CCDC163: variants seen among roughly 807,000 people sequenced by gnomAD.
CCDC163 encodes the protein CCDC163 homolog.
CCDC163 carries 13 observed loss-of-function variants against 8.2 expected under a neutral mutation model. The ratio of observed to expected loss-of-function variants is 1.59; its 90% confidence interval spans 1.04 to 2.54. The LOEUF (loss-of-function observed/expected upper bound fraction) is 2.54, where lower values mean the gene tolerates loss of function less well. Ranked by LOEUF, CCDC163 falls within the 30% of genes most tolerant of loss-of-function variation. CCDC163 has a pLI of 0.00. For synonymous variants in CCDC163, 41 were observed against 30.9 expected (o/e 1.33, Z -1.08); for missense variants, 117 against 78.6 (o/e 1.49, Z -1.85).
rs932478117 is a variant in CCDC163, at chr1:45,493,943, C to A, written c.*1116G>T. 1 of 151,646 alleles carries A rather than the reference C, an allele frequency of 6.6e-6. No individual in the cohort carries two copies. The highest frequency in any genetic ancestry group is 6.6e-5 in the Admixed American group (1 of 15,228). 9.4% of individuals were successfully genotyped at this position (151,646 alleles called of 1,614,324 possible). On this transcript the variant is annotated 3_prime_UTR_variant, in exon 5 of 5. Coordinates refer to ENST00000629482, the MANE Select transcript of CCDC163 (RefSeq NM_001102601.3). ...CTCCCACTAAGGATAAAAATTAAAT[C>A]ATAACATTTTTATTTCAGTTAATAA...
intron 2 of CCDC163, 43 bp from the exon 3 acceptor site, chr1:45,497,426 T>G: frequency 1.3e-6 from 1 of 767,086 alleles, no homozygotes; most frequent in Non-Finnish European, 2.4e-6. Context: ...GCAAGTAGAG[T>G]ATCTAGGGTC....
intron 2 of CCDC163, among the ~76,000 whole-genome samples, chr1:45,498,244 C>T (rs370801624): frequency 1.3e-5 from 2 of 151,920 alleles, no homozygotes; most frequent in Admixed American, 1.3e-4. Flanking sequence ...CAAACACTGC[C>T]GAAGGCCGCA....
chr1:45,495,301 G>A (rs746269055), intron 4 of CCDC163, 135 bp from the exon 5 acceptor site: 4 of 708,452 alleles, frequency 5.6e-6, no homozygotes, highest in Non-Finnish European at 1.0e-5. Flanking sequence ...AGGTCAGTGA[G>A]TTCACAGAAA....
intron 3 of CCDC163, 86 bp downstream of exon 3, chr1:45,497,203 GAATAAAAATA>G (rs903129196): frequency 8.9e-5 from 55 of 616,702 alleles, no homozygotes; most frequent in South Asian, 3.0e-4. Flanking sequence ...ATCTCAAAAA[GAATAAAAATA>G]AATAAAAATA....
chr1:45,499,695 G>C lies in CCDC163; in HGVS notation c.-86C>G, dbSNP rs1018748582. On this transcript the variant is annotated 5_prime_UTR_variant, in exon 1 of 5. Transcript: ENST00000629482. ...GCGGGGGATACCCAAGGTATCCCCA[G>C]GAAAGGCCACCACGTTAGATGGAAA... 7.2e-6 allele frequency: 5 copies of C among 696,576 alleles called. No individual in the cohort carries two copies. Among genetic ancestry groups the C allele is most frequent in the Admixed American group, 2.2e-5 (1 of 45,354 alleles). The allele number at this position is 696,576 out of a possible 1,614,324, so 43.1% of individuals were successfully genotyped here.
chr1:45,495,493 T>C (rs1002823547), intron 4 of CCDC163: 4 of 702,648 alleles, frequency 5.7e-6, no homozygotes, highest in African/African-American at 5.2e-5. Flanking sequence ...GAAACAGACA[T>C]GGTGAAGGTA....
intron 2 of CCDC163, among the ~76,000 whole-genome samples, chr1:45,498,121 C>CA (rs1354220766): frequency 8.6e-5 from 13 of 151,764 alleles, no homozygotes; most frequent in Middle Eastern, 3.4e-3. Flanking sequence ...TGTGTCCACT[C>CA]AGAGTTAAAT....
intron 2 of CCDC163, among the ~76,000 whole-genome samples, chr1:45,497,737 G>A (rs188605625): frequency 1.2e-3 from 20 of 17,330 alleles, no homozygotes; most frequent in Non-Finnish European, 1.7e-3. Flanking sequence ...CAGGCCAGCC[G>A]CCCCGTCTGG....
Position 45,499,540 on chromosome 1 carries a change from G to A in CCDC163, c.70C>T (p.Arg24Trp), listed in dbSNP as rs201193008. 9.7e-4 allele frequency: 752 copies of A among 778,984 alleles called. 7 individuals carry two copies. The highest frequency in any genetic ancestry group is 2.3e-4 in the Middle Eastern group (1 of 4,442). The allele number at this position is 778,984 out of a possible 1,614,324, so 48.3% of individuals were successfully genotyped here. ...LLNATDGNVV[R>W]NKQWLYPLGV... ...CTCCACCAACCCCTCACCTTATTCC[G>A]GACCACATTTCCATCAGTAGCGTTG... Residue 24 changes from arginine to tryptophan, a missense_variant, in exon 1 of 5, where the codon CGG becomes TGG. Arg to Trp is a moderately radical substitution (Grantham distance 101). Coordinates refer to ENST00000629482, the MANE Select transcript of CCDC163 (RefSeq NM_001102601.3).
In CCDC163 at chr1:45,499,858, G is replaced by C; in HGVS notation, c.-249C>G. ...ATACCGTGATGATACGCAGATATCAGGTGGGGATTGAAGGTGCCAGAACCT... is the reference window on the plus strand; with the variant it reads ...ATACCGTGATGATACGCAGATATCACGTGGGGATTGAAGGTGCCAGAACCT... On this transcript the variant is annotated 5_prime_UTR_variant, in exon 1 of 5. Coordinates refer to ENST00000629482, the MANE Select transcript of CCDC163 (RefSeq NM_001102601.3). 1 of 548,370 alleles carries C rather than the reference G, an allele frequency of 1.8e-6. No homozygotes were observed. The highest frequency in any genetic ancestry group is 2.0e-5 in the South Asian group (1 of 49,618). 34.0% of individuals were successfully genotyped at this position (548,370 alleles called of 1,614,324 possible). A position where few individuals can be genotyped will look rare whatever the true frequency, so the allele number is the denominator to read the frequency against.
In CCDC163 at chr1:45,495,985, A is replaced by G. The variant is rs371912123; in HGVS notation, c.330+571T>C. 9.9e-5 allele frequency among the ~76,000 whole-genome samples: 15 copies of G among 152,192 alleles called. No individual in the cohort carries two copies. The East Asian group carries it at 2.5e-3, about 25-fold the overall frequency. On this transcript the variant is annotated intron_variant, in intron 4 of 4. Coordinates refer to ENST00000629482, the MANE Select transcript of CCDC163 (RefSeq NM_001102601.3). ...TCTCTCCTCCCTCTGTAACATCCAAACATACAAAGGTACCTCACTGACTCT... is the reference window on the plus strand; with the variant it reads ...TCTCTCCTCCCTCTGTAACATCCAAGCATACAAAGGTACCTCACTGACTCT...
chr1:45,499,082 T>G (rs977999174), intron 2 of CCDC163, among the ~76,000 whole-genome samples: 1 of 152,196 alleles, frequency 6.6e-6, no homozygotes, highest in African/African-American at 2.4e-5. Context: ...CAGCTCAGCC[T>G]TTGTGGAACT....
chr1:45,496,389 G>C, intron 4 of CCDC163, 167 bp downstream of exon 4: 1 of 697,576 alleles, frequency 1.4e-6, no homozygotes, highest in Non-Finnish European at 2.6e-6. Context: ...GGAGCAGAAA[G>C]GTTAGAAAGA....
rs376880490 is a variant in CCDC163, at chr1:45,496,618, G to C, written c.268C>G (p.His90Asp). The change falls in exon 4 of 5, where the codon CAC (histidine) becomes GAC (aspartate). Residue 90 changes from histidine (H) to aspartate (D), a missense_variant. Coordinates refer to ENST00000629482, the MANE Select transcript of CCDC163 (RefSeq NM_001102601.3). Reference protein sequence around the residue: ...LKLLQYQLSQHQELLLKQLAE... With the variant: ...LKLLQYQLSQDQELLLKQLAE... ...AGCTGTTTCAGCAGCAGCTCCTGGT[G>C]CTGGCCTGCAGATGAGAGAGAATGT... 2 of 779,776 alleles carry C rather than the reference G, an allele frequency of 2.6e-6. No homozygotes were observed. The highest frequency in any genetic ancestry group is 3.4e-5 in the African/African-American group (2 of 59,146). The allele number at this position is 779,776 out of a possible 1,614,324, so 48.3% of individuals were successfully genotyped here. A position where few individuals can be genotyped will look rare whatever the true frequency, so the allele number is the denominator to read the frequency against.
intron 2 of CCDC163, among the ~76,000 whole-genome samples, 161 bp downstream of exon 2, chr1:45,499,184 C>T (rs185578643): frequency 1.1e-4 from 17 of 152,214 alleles, no homozygotes; most frequent in African/African-American, 3.1e-4. Context: ...GCCAGGTCCC[C>T]GGCTGAGGAA....
intron 4 of CCDC163, among the ~76,000 whole-genome samples, chr1:45,496,042 A>C (rs1316675504): frequency 1.3e-5 from 2 of 152,180 alleles, no homozygotes; most frequent in Non-Finnish European, 2.9e-5. Flanking sequence ...TATGGGATAC[A>C]ACCCAGATAC....
At chr1:45,496,986 C>T (rs1654209132) in intron 3 of CCDC163, among the ~76,000 whole-genome samples, 1 of 152,126 alleles carries the variant, frequency 6.6e-6, no homozygotes. Context: ...CATGGTGAAA[C>T]CCCATTTCTA....
intron 3 of CCDC163, among the ~76,000 whole-genome samples, chr1:45,497,076 G>A (rs1255939522): frequency 6.6e-6 from 1 of 152,186 alleles, no homozygotes; most frequent in Non-Finnish European, 1.5e-5. Context: ...AGGAGGCTGA[G>A]GCAGGAGAAT....
At position 45,494,813 on chromosome 1, in the gene CCDC163, G is replaced by A. The variant is rs1007719880; in HGVS notation, c.*246C>T. 1.5e-5 allele frequency: 7 copies of A among 466,754 alleles called. No homozygotes were observed. The highest frequency in any genetic ancestry group is 4.8e-5 in the South Asian group (2 of 41,802). The allele number at this position is 466,754 out of a possible 1,614,324, so 28.9% of individuals were successfully genotyped here. On this transcript the variant is annotated 3_prime_UTR_variant, in exon 5 of 5. Coordinates refer to ENST00000629482, the MANE Select transcript of CCDC163 (RefSeq NM_001102601.3). ...CTCTACTAAAAATACAAAAATTAGC[G>A]CACACCTGTAATCCCAGCTACTTGG...
Sources: allele counts gnomAD v4.1 joint callset (sites outside exome capture counted in the v4.1 genomes callset), GRCh38; gene constraint gnomAD v4.1.1; transcripts MANE v1.5; gene names NCBI Gene and HGNC (gene_info 2026-07-23, HGNC 2026-07-21).